SMURF2: variants seen among roughly 807,000 people sequenced by gnomAD.
SMURF2 encodes SMAD specific E3 ubiquitin protein ligase 2.
Under a neutral mutation model 109.6 loss-of-function variants are expected in SMURF2, and 48 were observed. That is an observed-to-expected ratio of 0.44 (90% confidence interval 0.35 to 0.56). The LOEUF is 0.56. SMURF2 is among the 20% of genes least tolerant of loss of function. The pLI is 0.01. For synonymous variants in SMURF2, 288 were observed against 317.1 expected (o/e 0.91, Z 0.97); for missense variants, 575 against 909.0 (o/e 0.63, Z 4.72).
intron 1 of SMURF2, among the ~76,000 whole-genome samples, chr17:64,619,504 G>GAAAAAAAAAAAAAA (rs1970173874): frequency 8.5e-6 from 1 of 118,118 alleles, no homozygotes; most frequent in Non-Finnish European, 1.7e-5. Flanking sequence ...AAAAAAAAAA[G>GAAAAAAAAAAAAAA]AAGAAGAATA....
chr17:64,609,087 G>A (rs1277291848), intron 1 of SMURF2, among the ~76,000 whole-genome samples: 1 of 152,090 alleles, frequency 6.6e-6, no homozygotes, highest in African/African-American at 2.4e-5. Context: ...CCTCTTCAAA[G>A]AGAACTACAA....
At chr17:64,646,381 CTT>C (rs201259541) in intron 1 of SMURF2, among the ~76,000 whole-genome samples, 30 of 114,396 alleles carry the variant, frequency 2.6e-4, no homozygotes, top group Admixed American at 3.7e-4. Context: ...TTTTTTCTTT[CTT>C]TTTTTTTTTT....
chr17:64,596,456 T>C (rs1226962065), intron 3 of SMURF2, among the ~76,000 whole-genome samples: 2 of 151,922 alleles, frequency 1.3e-5, no homozygotes, highest in Non-Finnish European at 1.5e-5. Flanking sequence ...TAGAAGCCTA[T>C]ATTCAAACCA....
At chr17:64,558,323 C>T (rs897391766) in intron 12 of SMURF2, among the ~76,000 whole-genome samples, 5 of 151,878 alleles carry the variant, frequency 3.3e-5, no homozygotes, top group African/African-American at 9.7e-5. Flanking sequence ...TGCTTGAGCC[C>T]TGGAGGTTGA....
At chr17:64,574,625 C>T (rs892957757) in intron 9 of SMURF2, among the ~76,000 whole-genome samples, 1 of 151,902 alleles carries the variant, frequency 6.6e-6, no homozygotes, top group Non-Finnish European at 1.5e-5. Flanking sequence ...AAGGATCCTC[C>T]AAAACAAAAG....
chr17:64,636,786 G>GAA (rs375959882), intron 1 of SMURF2, among the ~76,000 whole-genome samples: 5 of 118,622 alleles, frequency 4.2e-5, no homozygotes, highest in Non-Finnish European at 5.6e-5. Context: ...CTCAAAAAAA[G>GAA]AAAAAAAAAA....
At chr17:64,552,069 C>T (rs1462186083) in intron 15 of SMURF2, among the ~76,000 whole-genome samples, 1 of 152,136 alleles carries the variant, frequency 6.6e-6, no homozygotes, top group Non-Finnish European at 1.5e-5. Context: ...TCAAAAATGA[C>T]TTATTTTTCT....
chr17:64,571,688 G>T, intron 10 of SMURF2, 110 bp downstream of exon 10: 3 of 1,169,784 alleles, frequency 2.6e-6, no homozygotes, highest in Non-Finnish European at 3.5e-6. Context: ...CAAAGCACTG[G>T]GATTAAAGGC....
intron 2 of SMURF2, among the ~76,000 whole-genome samples, chr17:64,600,929 C>T (rs1214014857): frequency 1.3e-5 from 2 of 152,134 alleles, no homozygotes; most frequent in East Asian, 3.9e-4. Flanking sequence ...TGGTTTCTTG[C>T]TTTTTTAAAA....
At chr17:64,598,317 T>C (rs1598288031) in intron 3 of SMURF2, 65 bp downstream of exon 3, 4 of 1,333,842 alleles carry the variant, frequency 3.0e-6, no homozygotes, top group South Asian at 1.5e-5. Flanking sequence ...CCCATGATTA[T>C]TTTCAAAGAC....
chr17:64,598,373 G>C lies in SMURF2; in HGVS notation c.200+9C>G. The C allele has an allele frequency of 6.4e-7, 1 of 1,560,022 alleles. No homozygotes were observed. Among genetic ancestry groups the C allele is most frequent in the Non-Finnish European group, 8.7e-7 (1 of 1,150,970 alleles). ...TATGTTCCATTTCAAACTAATTGTTGAAACCTACAGGTCATAATGCTGATT... is the reference window on the plus strand; with the variant it reads ...TATGTTCCATTTCAAACTAATTGTTCAAACCTACAGGTCATAATGCTGATT... On this transcript the variant is annotated intron_variant, in intron 3 of 18. Coordinates refer to ENST00000262435, the MANE Select transcript of SMURF2 (RefSeq NM_022739.4).
intron 15 of SMURF2, among the ~76,000 whole-genome samples, chr17:64,554,189 T>C (rs1340954726): frequency 2.0e-5 from 3 of 152,194 alleles, no homozygotes; most frequent in African/African-American, 4.8e-5. Flanking sequence ...CTACACCACA[T>C]GTGGCCCCAG....
At chr17:64,569,984 C>T (rs941025903) in intron 10 of SMURF2, among the ~76,000 whole-genome samples, 8 of 152,146 alleles carry the variant, frequency 5.3e-5, no homozygotes, top group African/African-American at 1.9e-4. Context: ...CAAATACTTG[C>T]GACCTTCATT....
intron 1 of SMURF2, among the ~76,000 whole-genome samples, chr17:64,638,215 G>A (rs547070966): frequency 6.6e-6 from 1 of 151,990 alleles, no homozygotes; most frequent in Non-Finnish European, 1.5e-5. Context: ...ACAGGCATGT[G>A]CCACCAAGCC....
intron 1 of SMURF2, among the ~76,000 whole-genome samples, chr17:64,607,055 T>C (rs1217627753): frequency 8.6e-5 from 13 of 150,810 alleles, no homozygotes; most frequent in Non-Finnish European, 1.8e-4. Flanking sequence ...TTTCCTGATA[T>C]AGATGAGTTT....
At chr17:64,578,210 C>T (rs1555686224) in intron 9 of SMURF2, among the ~76,000 whole-genome samples, 1 of 151,986 alleles carries the variant, frequency 6.6e-6, no homozygotes, top group East Asian at 1.9e-4. Flanking sequence ...TCCCAAAGTG[C>T]TGGGATTACA....
chr17:64,586,891 C>T lies in SMURF2; in HGVS notation c.401-721G>A, dbSNP rs1233711459. Among the ~76,000 whole-genome samples the T allele has an allele frequency of 6.6e-5, 10 of 151,718 alleles. 1 individual carries two copies. The East Asian group carries it at 1.6e-3, about 24-fold the overall frequency. On this transcript the variant is annotated intron_variant, in intron 5 of 18. Transcript: ENST00000262435. ...CATCTAAAAAATACACTGGGCTGGG[C>T]GCAGTGGCTTCTGCCTGTAATCCCA...
rs1304000901 is a variant in SMURF2, at chr17:64,571,900, A to C, written c.914T>G (p.Ile305Ser). Residue 305 changes from isoleucine to serine, a missense_variant, in exon 10 of 19, where the codon ATC becomes AGC. This residue lies in a region of SMURF2 where 361 missense variants were observed against 612.1 expected (regional missense o/e 0.59). Transcript: ENST00000262435. ...AACTCTGCCTGTTGCCGTATTACGG[A>C]TCTCCCATCCAGGAGGCAATGGACC... ...ELGPLPPGWEIRNTATGRVYF... is the reference protein window; with the variant it reads ...ELGPLPPGWESRNTATGRVYF... 1 of 1,613,940 alleles carries C rather than the reference A, an allele frequency of 6.2e-7. No homozygotes were observed. Among genetic ancestry groups the C allele is most frequent in the Non-Finnish European group, 8.5e-7 (1 of 1,179,912 alleles).
intron 1 of SMURF2, among the ~76,000 whole-genome samples, chr17:64,638,229 C>A (rs887825308): frequency 2.0e-5 from 3 of 152,108 alleles, no homozygotes. Context: ...CCAAGCCCGA[C>A]TAATTTTTGT....
Sources: allele counts gnomAD v4.1 joint callset (sites outside exome capture counted in the v4.1 genomes callset), GRCh38; gene constraint gnomAD v4.1.1; regional missense constraint gnomAD v4.1.1; transcripts MANE v1.5; gene names NCBI Gene and HGNC (gene_info 2026-07-23, HGNC 2026-07-21).